Variants in RTN4 observed in about 807,000 individuals in gnomAD.
The protein encoded by RTN4 is reticulon-4.
In RTN4, 32 loss-of-function variants were observed where a neutral mutation model predicts 90.4. The ratio of observed to expected loss-of-function variants is 0.35; its 90% CI spans 0.27 to 0.48. The LOEUF is 0.48. Ranked by LOEUF, RTN4 falls within the 20% of genes least tolerant of loss-of-function variation. RTN4 has a pLI of 0.99. For synonymous variants in RTN4, 629 were observed against 552.5 expected, an observed-to-expected ratio of 1.14 and a Z score of -1.94; for missense variants, 1,706 against 1,430.2, an observed-to-expected ratio of 1.19 and a Z score of -3.11.
chr2:55,052,763 G>C (rs1193184139), upstream of RTN4, among the ~76,000 whole-genome samples: 1 of 152,190 alleles, frequency 6.6e-6, no homozygotes. Context: ...TATACTAACA[G>C]TATTTTATGA....
intron 1 of RTN4, among the ~76,000 whole-genome samples, chr2:55,042,637 T>C (rs906796652): frequency 1.3e-5 from 2 of 152,222 alleles, no homozygotes; most frequent in African/African-American, 4.8e-5. Flanking sequence ...CTGTTTGGAA[T>C]TGTTACCTTG....
chr2:55,105,976 AT>A (rs1667936831), intron 1 of RTN4, among the ~76,000 whole-genome samples: 1 of 152,042 alleles, frequency 6.6e-6, no homozygotes, highest in Non-Finnish European at 1.5e-5. Flanking sequence ...GGAGACCCCC[AT>A]CTCTAAAATA....
chr2:55,020,757 C>A (rs371060142), intron 3 of RTN4, among the ~76,000 whole-genome samples: 1 of 152,160 alleles, frequency 6.6e-6, no homozygotes, highest in African/African-American at 2.4e-5. Flanking sequence ...CACCTGTAAT[C>A]CCAGCACTTT....
chr2:55,125,731 A>C, the RTN4 span, among the ~76,000 whole-genome samples: 5 of 152,030 alleles, frequency 3.3e-5, no homozygotes, highest in Non-Finnish European at 7.4e-5. Flanking sequence ...TCACCAGTAC[A>C]CCCCAGCTTG....
chr2:55,103,332 G>A (rs969496474), intron 1 of RTN4, among the ~76,000 whole-genome samples: 1 of 151,912 alleles, frequency 6.6e-6, no homozygotes, highest in Admixed American at 6.6e-5. Context: ...GAAAAATGGG[G>A]AGATGATGAT....
chr2:55,095,111 T>A (rs1669007653), intron 1 of RTN4, among the ~76,000 whole-genome samples: 1 of 152,100 alleles, frequency 6.6e-6, no homozygotes, highest in South Asian at 2.1e-4. Flanking sequence ...TCACCTGACT[T>A]CAGGAGTTCG....
Position 55,049,867 on chromosome 2 carries a change from G to T in RTN4, c.434C>A (p.Pro145His). 2 of 1,318,116 alleles carry T rather than the reference G, an allele frequency of 1.5e-6. No homozygotes were observed. Among genetic ancestry groups the T allele is most frequent in the Non-Finnish European group, 1.9e-6 (2 of 1,037,388 alleles). The allele number at this position is 1,318,116 out of a possible 1,614,324, so 81.7% of individuals were successfully genotyped here. A position where few individuals can be genotyped will look rare whatever the true frequency, so the allele number is the denominator to read the frequency against. The change falls in exon 1 of 9, where the codon CCT becomes CAT. Residue 145 changes from proline to histidine, a missense_variant. Pro to His is a moderately conservative substitution (Grantham distance 77). Coordinates refer to ENST00000337526, the MANE Select transcript of RTN4 (RefSeq NM_020532.5). ...GGGGCTCACGCTGGCCGGGGGAGGA[G>T]GGGGAGGCCGGGCCGGAGGCTCGTC... is the stretch of plus-strand genomic sequence containing the variant. ...EDDEPPARPP[P>H]PPPASVSPQA... is the part of the protein sequence containing the mutation.
the RTN4 span, among the ~76,000 whole-genome samples, chr2:55,132,756 G>C: frequency 0.24 from 35,990 of 147,000 alleles, 5,090 homozygotes; most frequent in East Asian, 0.5. Context: ...GGAGGCTACA[G>C]TGAACCGAGG....
rs559842237 is a variant in RTN4 at position 54,979,868 on chromosome 2, G to A, written c.3360+2647C>T. On this transcript the variant is annotated intron_variant, in intron 5 of 8. Transcript: ENST00000337526. ...AATTGCCAGCTGGGGAAGTCACCAA[G>A]CAGGTTTCCTTGAGCTCTGGGCTTG... Among the ~76,000 whole-genome samples, 13 of 152,318 alleles carry A rather than the reference G, an allele frequency of 8.5e-5. No individual in the cohort carries two copies. In the East Asian group the frequency reaches 1.3e-3, roughly 16 times the overall value.
chr2:55,095,739 A>G (rs1669019415), intron 1 of RTN4, among the ~76,000 whole-genome samples: 1 of 152,146 alleles, frequency 6.6e-6, no homozygotes, highest in African/African-American at 2.4e-5. Flanking sequence ...TGGGGATCTC[A>G]CTATGTTGCC....
At chr2:55,102,544 AT>A in intron 1 of RTN4, among the ~76,000 whole-genome samples, 1 of 152,160 alleles carries the variant, frequency 6.6e-6, no homozygotes, top group Non-Finnish European at 1.5e-5. Flanking sequence ...TTTTTTAATC[AT>A]TTAAGATGTG....
rs536743030 is a variant in RTN4, at chr2:55,100,484, C to G, written c.-214+12036G>C. ...TTTGCCATAATTCTTTCGTCAGGTT[C>G]GAGGAGTTAAGATCTCAGCACTGCT... On this transcript the variant is annotated intron_variant, in intron 1 of 3. Transcript: ENST00000427710. Among the ~76,000 whole-genome samples, 25 of 152,168 alleles carry G rather than the reference C, an allele frequency of 1.6e-4. No homozygotes were observed. In the Middle Eastern group the frequency reaches 0.02, roughly 124 times the overall value.
chr2:54,982,620 C>T lies in RTN4; in HGVS notation c.3255G>A (p.Glu1085=). 1.2e-6 allele frequency: 2 copies of T among 1,612,438 alleles called. No homozygotes were observed. The highest frequency in any genetic ancestry group is 1.7e-6 in the Non-Finnish European group (2 of 1,179,290). ...AATTACTGTACTTCTGAACCAACTC[C>T]TCAGATATAGCAACTTCAGATTCCA... The part of the protein sequence containing the change: ...AYLESEVAIS[E]ELVQKYSNSA... Residue 1085 remains glutamate (E), a synonymous_variant, in exon 5 of 9, where the codon GAG becomes GAA. Coordinates refer to ENST00000337526, the MANE Select transcript of RTN4 (RefSeq NM_020532.5).
intron 3 of RTN4, among the ~76,000 whole-genome samples, 193 bp from the exon 4 acceptor site, chr2:54,987,891 C>A (rs1678695733): frequency 6.6e-6 from 1 of 152,168 alleles, no homozygotes; most frequent in Non-Finnish European, 1.5e-5. Flanking sequence ...TAGTATAACA[C>A]CTTTATTTTT....
At chr2:55,110,532 A>T (rs1668019209) in intron 1 of RTN4, among the ~76,000 whole-genome samples, 1 of 152,196 alleles carries the variant, frequency 6.6e-6, no homozygotes, top group Admixed American at 6.5e-5. Flanking sequence ...GGCTCAAAAA[A>T]TTCTTGCTGA....
At chr2:55,112,800 A>G (rs1668061680), upstream of RTN4, among the ~76,000 whole-genome samples, 2 of 152,232 alleles carry the variant, frequency 1.3e-5, no homozygotes, top group East Asian at 1.9e-4. Context: ...TTGCCACTTC[A>G]GCCGCTATTT....
At chr2:55,059,118 C>G (rs1371712721) in intron 2 of RTN4, among the ~76,000 whole-genome samples, 1 of 151,884 alleles carries the variant, frequency 6.6e-6, no homozygotes, top group African/African-American at 2.4e-5. Context: ...TTGAGCAAGT[C>G]AATTCATTTT....
At chr2:54,978,089 G>A (rs1190734383) in intron 5 of RTN4, among the ~76,000 whole-genome samples, 1 of 152,104 alleles carries the variant, frequency 6.6e-6, no homozygotes, top group Non-Finnish European at 1.5e-5. Context: ...TAGCAAGAGC[G>A]GCTCTAAAAT....
chr2:55,023,476 A>G (rs1296194059), intron 3 of RTN4, among the ~76,000 whole-genome samples: 1 of 152,058 alleles, frequency 6.6e-6, no homozygotes, highest in Non-Finnish European at 1.5e-5. Flanking sequence ...CAAAACCCTA[A>G]CAGTATCAAT....
Sources: gnomAD v4.1 joint callset for allele counts (sites outside exome capture counted in the v4.1 genomes callset) on GRCh38, gnomAD v4.1.1 for gene constraint, MANE v1.5 for transcripts, NCBI Gene and HGNC (gene_info 2026-07-23, HGNC 2026-07-21) for gene names.